Variants in PPP6R2 observed in about 807,000 individuals in gnomAD.
PPP6R2 encodes protein phosphatase 6 regulatory subunit 2.
In PPP6R2, 62 loss-of-function variants were observed where a neutral mutation model predicts 100.2. The ratio of observed to expected loss-of-function variants is 0.62; its 90% CI spans 0.50 to 0.76. The LOEUF (loss-of-function observed/expected upper bound fraction) is 0.76, where lower values mean the gene tolerates loss of function less well. Ranked by LOEUF, PPP6R2 falls within the 30% of genes least tolerant of loss-of-function variation. The probability of loss-of-function intolerance (pLI) is 0.00; values close to 1 mark genes in which losing one functional copy is unlikely to be tolerated. For synonymous variants in PPP6R2, 525 were observed against 514.7 expected (o/e 1.02, Z -0.27); for missense variants, 1,142 against 1,276.3 (o/e 0.89, Z 1.60).
At chr22:50,393,750 A>G in intron 2 of PPP6R2, 143 bp from the exon 3 acceptor site, 2 of 1,477,432 alleles carry the variant, frequency 1.4e-6, no homozygotes, top group East Asian at 4.8e-5. Flanking sequence ...CATGCTGCAG[A>G]TGGACTTCCA....
At chr22:50,347,242 C>G (rs1031304771) in intron 1 of PPP6R2, among the ~76,000 whole-genome samples, 1 of 151,948 alleles carries the variant, frequency 6.6e-6, no homozygotes, top group Non-Finnish European at 1.5e-5. Context: ...AGTACCCTGC[C>G]CTGCTGTTAG....
At position 50,440,807 on chromosome 22, in the gene PPP6R2, C is replaced by T. The variant is rs746490224; in HGVS notation, c.2375-15C>T. 3 of 1,612,604 alleles carry T rather than the reference C, an allele frequency of 1.9e-6. No individual in the cohort carries two copies. Among genetic ancestry groups the T allele is most frequent in the Non-Finnish European group, 2.5e-6 (3 of 1,179,964 alleles). On this transcript the variant is annotated splice_polypyrimidine_tract_variant and intron_variant, in intron 21 of 23. Coordinates refer to ENST00000612753, the MANE Select transcript of PPP6R2 (RefSeq NM_001242898.2). ...CTCCTGCCTCACTGGACAGCACAGG[C>T]CTCCTACTTTGCAGTCAGCCCGGCT...
intron 7 of PPP6R2, 35 bp downstream of exon 7, chr22:50,419,014 C>G (rs780909667): frequency 6.5e-7 from 1 of 1,532,134 alleles, no homozygotes; most frequent in South Asian, 1.1e-5. Context: ...TGGTGGGCCT[C>G]CCTTTCTGGG....
At chr22:50,331,448 C>T in the PPP6R2 span, among the ~76,000 whole-genome samples, 4 of 152,088 alleles carry the variant, frequency 2.6e-5, no homozygotes, top group Non-Finnish European at 5.9e-5. Context: ...ACATCCTCCC[C>T]AACGCTTAGT....
Position 50,439,235 on chromosome 22 carries a change from A to G in PPP6R2, c.2129-466A>G, listed in dbSNP as rs372271182. ...CAGGACTTTGGTGGCGGGGGCAGAG[A>G]TCTCTGTTAGGAGGGGCTGAGCTCT... On this transcript the variant is annotated intron_variant, in intron 19 of 23. Transcript: ENST00000612753. Among the ~76,000 whole-genome samples, 15 of 152,230 alleles carry G rather than the reference A, an allele frequency of 9.9e-5. No individual in the cohort carries two copies. The East Asian group carries it at 2.7e-3, about 27-fold the overall frequency.
At chr22:50,390,971 C>T (rs2055373922) in intron 2 of PPP6R2, among the ~76,000 whole-genome samples, 1 of 150,678 alleles carries the variant, frequency 6.6e-6, no homozygotes, top group South Asian at 2.1e-4. Context: ...TGCACTCCAG[C>T]CTGGGTGAGA....
At chr22:50,351,026 G>GTTTTTTTT in intron 1 of PPP6R2, among the ~76,000 whole-genome samples, 1 of 80,748 alleles carries the variant, frequency 1.2e-5, no homozygotes, top group Non-Finnish European at 2.3e-5. Flanking sequence ...TCTCAACAGT[G>GTTTTTTTT]TTTTTTTTTT....
At chr22:50,377,327 C>T (rs868604486) in intron 2 of PPP6R2, among the ~76,000 whole-genome samples, 3 of 151,984 alleles carry the variant, frequency 2.0e-5, no homozygotes, top group African/African-American at 7.2e-5. Flanking sequence ...TGGTGGTGCA[C>T]ACCTGTAGTC....
At position 50,437,024 on chromosome 22, in the gene PPP6R2, G is replaced by T; in HGVS notation, c.1639G>T (p.Glu547Ter). ...THHLHSSSED[E>*]DIEGAFPNEL... ...CCACCTTCACTCCTCAAGTGAGGAC[G>T]AGGACATTGAGGGTGCTTTCCCTAA... The change falls in exon 15 of 24, where the codon GAG becomes TAG. Residue 547 changes from glutamate (E) to a stop codon, truncating the protein, a stop_gained. Coordinates refer to ENST00000612753, the MANE Select transcript of PPP6R2 (RefSeq NM_001242898.2). LOFTEE classifies it high-confidence loss of function. 1.3e-6 allele frequency: 2 copies of T among 1,562,808 alleles called. No homozygotes were observed. The highest frequency in any genetic ancestry group is 1.7e-6 in the Non-Finnish European group (2 of 1,153,744).
At chr22:50,355,006 G>A (rs980138148) in intron 1 of PPP6R2, among the ~76,000 whole-genome samples, 1 of 151,582 alleles carries the variant, frequency 6.6e-6, no homozygotes, top group African/African-American at 2.4e-5. Context: ...ACCATGCCTG[G>A]CTAATTTTTT....
At chr22:50,441,106 C>A in intron 22 of PPP6R2, 80 bp downstream of exon 22, 1 of 1,229,288 alleles carries the variant, frequency 8.1e-7, no homozygotes, top group Admixed American at 2.6e-5. Flanking sequence ...TCTCAGCTCC[C>A]CTGAGAGGAG....
At chr22:50,408,930 C>T (rs1018461379) in intron 4 of PPP6R2, among the ~76,000 whole-genome samples, 2 of 152,180 alleles carry the variant, frequency 1.3e-5, no homozygotes, top group Non-Finnish European at 2.9e-5. Context: ...GCCTGACCAA[C>T]GTGGAGAAAC....
intron 3 of PPP6R2, among the ~76,000 whole-genome samples, chr22:50,403,307 A>ACCCCATGGGATGTGACTTCCTCCC (rs2058340952): frequency 6.6e-6 from 1 of 151,734 alleles, no homozygotes; most frequent in Non-Finnish European, 1.5e-5. Context: ...CTTCCTCCTC[A>ACCCCATGGGATGTGACTTCCTCCC]CCCCATGGGA....
At chr22:50,333,587 C>T in the PPP6R2 span, among the ~76,000 whole-genome samples, 4 of 152,196 alleles carry the variant, frequency 2.6e-5, no homozygotes, top group Non-Finnish European at 5.9e-5. Context: ...CCACCTCGGC[C>T]TCCCAAAGTG....
At chr22:50,353,321 AACGTTATT>A (rs1159959110) in intron 1 of PPP6R2, among the ~76,000 whole-genome samples, 1 of 152,126 alleles carries the variant, frequency 6.6e-6, no homozygotes, top group African/African-American at 2.4e-5. Flanking sequence ...TAATTGACCT[AACGTTATT>A]ACGTTATTAC....
chr22:50,427,371 A>T (rs1279958134), intron 10 of PPP6R2, among the ~76,000 whole-genome samples: 1 of 152,120 alleles, frequency 6.6e-6, no homozygotes, highest in Admixed American at 6.5e-5. Flanking sequence ...TGTTTTGGCT[A>T]TTCAAAGTCA....
intron 13 of PPP6R2, among the ~76,000 whole-genome samples, 183 bp downstream of exon 13, chr22:50,435,264 ATG>A (rs1008442468): frequency 3.9e-5 from 6 of 152,184 alleles, no homozygotes; most frequent in African/African-American, 1.4e-4. Context: ...CCTGGGTCTC[ATG>A]TGTCAGTTCT....
the PPP6R2 span, among the ~76,000 whole-genome samples, chr22:50,337,797 G>A: frequency 4.7e-5 from 7 of 147,934 alleles, no homozygotes; most frequent in Admixed American, 4.1e-4. Context: ...TGTGTGTGCT[G>A]TGTGGGGCAT....
At chr22:50,402,187 C>T (rs2058156503) in intron 3 of PPP6R2, among the ~76,000 whole-genome samples, 1 of 152,078 alleles carries the variant, frequency 6.6e-6, no homozygotes. Context: ...TTACTCACCA[C>T]AGCTTAGAGG....
Sources: gnomAD v4.1 joint callset for allele counts (sites outside exome capture counted in the v4.1 genomes callset) on GRCh38, gnomAD v4.1.1 for gene constraint, MANE v1.5 for transcripts, NCBI Gene and HGNC (gene_info 2026-07-23, HGNC 2026-07-21) for gene names.